TENM1: variants seen among roughly 807,000 people sequenced by gnomAD.
TENM1 encodes teneurin-1.
A neutral mutation model predicts 174.8 loss-of-function variants in TENM1; 35 were observed. The ratio of observed to expected loss-of-function variants is 0.20; its 90% CI spans 0.15 to 0.27. The LOEUF (loss-of-function observed/expected upper bound fraction) is 0.27, where lower values mean the gene tolerates loss of function less well. Among genes scored for constraint, TENM1 ranks in the 10% least tolerant of loss-of-function variants. The pLI, the probability that TENM1 is intolerant of heterozygous loss-of-function variation, is 1.00. For synonymous variants in TENM1, 781 were observed against 798.7 expected (o/e 0.98, Z 0.37); for missense variants, 1,633 against 2,130.1 (o/e 0.77, Z 4.59).
At chrX:124,584,003 C>T (rs1314880523) in intron 11 of TENM1, among the ~76,000 whole-genome samples, 3 of 108,879 alleles carry the variant, frequency 2.8e-5, no homozygotes, top group Non-Finnish European at 3.8e-5. Flanking sequence ...TAAAAAGAAA[C>T]GAACAAAGCC....
At chrX:124,447,630 T>G (rs2060979557) in intron 23 of TENM1, among the ~76,000 whole-genome samples, 3 of 111,951 alleles carry the variant, frequency 2.7e-5, no homozygotes, top group South Asian at 7.5e-4. Context: ...TTTTTTATGA[T>G]CCCTAAGCAG....
At chrX:124,763,165 AAG>A (rs1165857751) in intron 3 of TENM1, among the ~76,000 whole-genome samples, 3 of 110,946 alleles carry the variant, frequency 2.7e-5, no homozygotes, top group Non-Finnish European at 5.7e-5. Flanking sequence ...AGAGTTGAAA[AAG>A]AGAGAACAGA....
At chrX:125,005,910 A>G in the TENM1 span, among the ~76,000 whole-genome samples, 2 of 111,641 alleles carry the variant, frequency 1.8e-5, no homozygotes, top group Admixed American at 1.9e-4. Context: ...CTATACCACT[A>G]GAGCCCCAGG....
At chrX:125,148,556 T>C in the TENM1 span, among the ~76,000 whole-genome samples, 3 of 112,037 alleles carry the variant, frequency 2.7e-5, no homozygotes, top group African/African-American at 9.7e-5. Context: ...ATCTCAGATA[T>C]GGTGATGACC....
At chrX:125,132,974 T>A in the TENM1 span, among the ~76,000 whole-genome samples, 1 of 111,237 alleles carries the variant, frequency 9.0e-6, no homozygotes, top group African/African-American at 3.3e-5. Flanking sequence ...TTTCTTCTTC[T>A]TCTTTTTTTT....
chrX:124,917,744 T>C (rs2057950862), intron 1 of TENM1, among the ~76,000 whole-genome samples: 1 of 112,036 alleles, frequency 8.9e-6, no homozygotes, highest in South Asian at 3.8e-4. Context: ...ATAATTTGAC[T>C]CTGAACACCC....
At chrX:124,917,323 A>T (rs755014109) in intron 1 of TENM1, among the ~76,000 whole-genome samples, 1 of 111,838 alleles carries the variant, frequency 8.9e-6, no homozygotes, top group African/African-American at 3.3e-5. Context: ...AGCCAAAAAA[A>T]CTTTTTTTTT....
chrX:124,691,984 C>T (rs2052536931), intron 5 of TENM1, among the ~76,000 whole-genome samples: 1 of 111,564 alleles, frequency 9.0e-6, no homozygotes, highest in African/African-American at 3.3e-5. Flanking sequence ...GATAGAAGGG[C>T]TTTTCTGGTA....
chrX:124,801,821 A>G (rs918766696), intron 3 of TENM1, among the ~76,000 whole-genome samples: 1 of 111,094 alleles, frequency 9.0e-6, no homozygotes, highest in Admixed American at 9.6e-5. Context: ...TCTGGAGAGG[A>G]TTTTATTTCT....
intron 11 of TENM1, among the ~76,000 whole-genome samples, chrX:124,621,985 C>T (rs1173409082): frequency 8.9e-6 from 1 of 112,202 alleles, no homozygotes; most frequent in African/African-American, 3.2e-5. Flanking sequence ...CTACTTAAAA[C>T]ATACCTCTTA....
intron 4 of TENM1, among the ~76,000 whole-genome samples, chrX:124,707,938 A>C (rs889639775): frequency 3.6e-5 from 4 of 112,619 alleles, no homozygotes; most frequent in Non-Finnish European, 5.6e-5. Flanking sequence ...GACTTCCCCC[A>C]GCCTACCAGC....
chrX:124,693,258 T>G (rs1047269165), intron 5 of TENM1, among the ~76,000 whole-genome samples: 6 of 111,117 alleles, frequency 5.4e-5, no homozygotes, highest in Non-Finnish European at 9.4e-5. Flanking sequence ...TCCAAGGTAT[T>G]AAAGGTTGTG....
intron 3 of TENM1, among the ~76,000 whole-genome samples, chrX:124,875,092 G>C (rs180712665): frequency 1.8e-4 from 20 of 111,218 alleles, no homozygotes; most frequent in Non-Finnish European, 3.8e-5. Flanking sequence ...GTTATTGAAG[G>C]CATGTTAAAA....
intron 22 of TENM1, among the ~76,000 whole-genome samples, chrX:124,479,360 G>C (rs926722882): frequency 8.9e-6 from 1 of 112,089 alleles, no homozygotes; most frequent in African/African-American, 3.2e-5. Flanking sequence ...GATGTTATCA[G>C]GGCTCTCTTA....
At chrX:124,778,288 G>A (rs1205068582) in intron 3 of TENM1, among the ~76,000 whole-genome samples, 1 of 112,212 alleles carries the variant, frequency 8.9e-6, no homozygotes, top group Non-Finnish European at 1.9e-5. Context: ...CAGTTTTTAT[G>A]TGGTGACCTG....
intron 1 of TENM1, among the ~76,000 whole-genome samples, chrX:124,906,331 A>T (rs1360082978): frequency 4.5e-5 from 5 of 112,264 alleles, no homozygotes; most frequent in Non-Finnish European, 9.4e-5. Flanking sequence ...AAGTAAAAAA[A>T]AATTAAGTTG....
At chrX:124,978,333 G>A in the TENM1 span, among the ~76,000 whole-genome samples, 1 of 111,785 alleles carries the variant, frequency 8.9e-6, no homozygotes, top group East Asian at 2.8e-4. Flanking sequence ...TGCAAAAGCT[G>A]GAGACACTCA....
intron 23 of TENM1, among the ~76,000 whole-genome samples, chrX:124,450,515 T>C (rs1371235321): frequency 8.9e-6 from 1 of 111,755 alleles, no homozygotes; most frequent in Non-Finnish European, 1.9e-5. Context: ...CCTCTTTCTT[T>C]TGTAAGTTGC....
intron 3 of TENM1, among the ~76,000 whole-genome samples, chrX:124,846,915 T>G (rs1365084135): frequency 9.0e-6 from 1 of 111,611 alleles, no homozygotes; most frequent in East Asian, 2.8e-4. Context: ...AAAATTTTCA[T>G]CAAATTAATT....
Sources: allele counts gnomAD v4.1 joint callset (sites outside exome capture counted in the v4.1 genomes callset), GRCh38; gene constraint gnomAD v4.1.1; transcripts MANE v1.5; gene names NCBI Gene and HGNC (gene_info 2026-07-23, HGNC 2026-07-21).